CPXM2: variants seen among roughly 807,000 people sequenced by gnomAD.
CPXM2 encodes inactive carboxypeptidase-like protein X2.
CPXM2 carries 66 observed loss-of-function variants against 86.1 expected under a neutral mutation model. The observed-to-expected ratio is 0.77, with a 90% CI of 0.63 to 0.94. The LOEUF is 0.94. Ranked by LOEUF, CPXM2 falls within the 40% of genes least tolerant of loss-of-function variation. The pLI is 0.00. For synonymous variants in CPXM2, 388 were observed against 400.2 expected (o/e 0.97, Z 0.36); for missense variants, 948 against 1,026.3 (o/e 0.92, Z 1.04).
chr10:123,888,814 G>A (rs375360778), intron 1 of CPXM2, among the ~76,000 whole-genome samples: 2 of 152,202 alleles, frequency 1.3e-5, no homozygotes, highest in African/African-American at 4.8e-5. Context: ...TAGAAACACA[G>A]CTGACATGGT....
chr10:123,930,976 A>C (rs1385720358), intron 2 of CPXM2, among the ~76,000 whole-genome samples: 1 of 152,206 alleles, frequency 6.6e-6, no homozygotes, highest in African/African-American at 2.4e-5. Flanking sequence ...GTTTGCCATA[A>C]TATCCTGGTT....
chr10:123,824,267 G>A (rs1847996762), intron 4 of CPXM2, among the ~76,000 whole-genome samples: 1 of 152,170 alleles, frequency 6.6e-6, no homozygotes, highest in Admixed American at 6.5e-5. Flanking sequence ...CACTCTGCTG[G>A]CTGTGCTAAT....
At chr10:123,815,142 A>G (rs924390278) in intron 4 of CPXM2, among the ~76,000 whole-genome samples, 1 of 152,224 alleles carries the variant, frequency 6.6e-6, no homozygotes, top group African/African-American at 2.4e-5. Flanking sequence ...GTGGAGAACC[A>G]AGGGACATAA....
intron 2 of CPXM2, among the ~76,000 whole-genome samples, chr10:123,866,072 C>CT (rs1848973123): frequency 6.6e-6 from 1 of 152,120 alleles, no homozygotes; most frequent in Non-Finnish European, 1.5e-5. Flanking sequence ...CCAGACCTTC[C>CT]TTCCTTGTTT....
chr10:123,790,796 C>T (rs532043275), intron 6 of CPXM2, among the ~76,000 whole-genome samples: 13 of 152,110 alleles, frequency 8.5e-5, no homozygotes, highest in Admixed American at 7.9e-4. Context: ...GCACCCCATA[C>T]GTATTTGATA....
intron 4 of CPXM2, among the ~76,000 whole-genome samples, chr10:123,803,641 T>C (rs979753123): frequency 2.0e-5 from 3 of 151,978 alleles, no homozygotes; most frequent in African/African-American, 7.2e-5. Flanking sequence ...TCAAGATACA[T>C]GGTTTTCTTC....
intron 3 of CPXM2, among the ~76,000 whole-genome samples, chr10:123,858,272 C>T (rs1333026424): frequency 6.6e-6 from 1 of 152,254 alleles, no homozygotes; most frequent in African/African-American, 2.4e-5. Flanking sequence ...TACACAGAAG[C>T]TTTGTTGATT....
chr10:123,797,601 A>ACAGGGTCTCACTCCATTGCC (rs2134066018), intron 6 of CPXM2, among the ~76,000 whole-genome samples: 3 of 45,212 alleles, frequency 6.6e-5, no homozygotes, highest in South Asian at 1.7e-3. Context: ...TTTTTTTGAG[A>ACAGGGTCTCACTCCATTGCC]CAGGGTGGAG....
At chr10:123,756,137 G>A (rs185613237) in intron 12 of CPXM2, among the ~76,000 whole-genome samples, 98 of 152,318 alleles carry the variant, frequency 6.4e-4, no homozygotes, top group African/African-American at 2.2e-3. Flanking sequence ...GGCTGAATGT[G>A]CCTTCTGACT....
Position 123,842,418 on chromosome 10 carries a change from A to T in CPXM2, c.584T>A (p.Ile195Asn). The change falls in exon 4 of 14, where the codon ATT (isoleucine) becomes AAT (asparagine). Residue 195 changes from isoleucine (I) to asparagine (N), a missense_variant. Physicochemically the swap from Ile to Asn is moderately radical, Grantham distance 149 (BLOSUM62 -3). Transcript: ENST00000241305. Reference protein sequence around the residue: ...CAGRNDLQQWIEVDARRLTRF... With the variant: ...CAGRNDLQQWNEVDARRLTRF... ...GGTCAGGCGCCGAGCATCCACTTCA[A>T]TCCACTGCTGGAGGTCATTTCTTCC... 5.0e-6 allele frequency: 8 copies of T among 1,614,196 alleles called. No individual in the cohort carries two copies. Among genetic ancestry groups the T allele is most frequent in the Non-Finnish European group, 6.8e-6 (8 of 1,180,036 alleles).
At chr10:123,904,159 T>G (rs1386103969) in intron 2 of CPXM2, among the ~76,000 whole-genome samples, 5 of 152,258 alleles carry the variant, frequency 3.3e-5, no homozygotes, top group African/African-American at 4.8e-5. Flanking sequence ...CTATATCAGC[T>G]TAAATGTTAC....
At chr10:123,787,165 C>T (rs1044865233) in intron 6 of CPXM2, among the ~76,000 whole-genome samples, 7 of 152,162 alleles carry the variant, frequency 4.6e-5, no homozygotes, top group Non-Finnish European at 8.8e-5. Context: ...GTTCCCCATG[C>T]AGCTGGGCTG....
intron 4 of CPXM2, among the ~76,000 whole-genome samples, chr10:123,821,911 T>A (rs1049609747): frequency 2.0e-5 from 3 of 152,242 alleles, no homozygotes; most frequent in Non-Finnish European, 4.4e-5. Context: ...GAGGAAAGGG[T>A]AAATGTCATT....
chr10:123,871,454 A>T (rs796960358), intron 2 of CPXM2, among the ~76,000 whole-genome samples: 30 of 152,342 alleles, frequency 2.0e-4, no homozygotes, highest in African/African-American at 7.2e-4. Flanking sequence ...AAAAGGAATT[A>T]TTGGTTCAAA....
rs763980028 is a variant in CPXM2, at chr10:123,767,067, A to G, written c.1385T>C (p.Leu462Pro). ...CTGTCGATCCTCTGCCTCCCAGAGC[A>G]GCGTGTTTAAATCAGGAAAGTTGTT... is the stretch of plus-strand genomic sequence containing the variant. ...INNNFPDLNT[L>P]LWEAEDRQNV... The change falls in exon 10 of 14, where the codon CTG becomes CCG. Residue 462 changes from leucine to proline, a missense_variant. Physicochemically the swap from Leu to Pro is moderately conservative, Grantham distance 98. Coordinates refer to ENST00000241305, the MANE Select transcript of CPXM2 (RefSeq NM_198148.3). 1 of 1,614,068 alleles carries G rather than the reference A, an allele frequency of 6.2e-7. No homozygotes were observed. The highest frequency in any genetic ancestry group is 1.7e-5 in the Admixed American group (1 of 59,992).
At chr10:123,828,132 C>T (rs1040771182) in intron 4 of CPXM2, among the ~76,000 whole-genome samples, 3 of 151,642 alleles carry the variant, frequency 2.0e-5, no homozygotes, top group African/African-American at 2.4e-5. Flanking sequence ...GATTGTGCCA[C>T]TGCACTATAG....
chr10:123,844,393 A>T (rs1463872965), intron 3 of CPXM2, among the ~76,000 whole-genome samples: 1 of 152,200 alleles, frequency 6.6e-6, no homozygotes, highest in African/African-American at 2.4e-5. Context: ...TACCAAAAAA[A>T]AACTGAGAAT....
At chr10:123,882,917 C>T (rs1053222094) in intron 1 of CPXM2, among the ~76,000 whole-genome samples, 23 of 151,250 alleles carry the variant, frequency 1.5e-4, no homozygotes, top group Non-Finnish European at 2.7e-4. Flanking sequence ...GCCTGCGCAG[C>T]TTCTAATACC....
chr10:123,799,770 G>A (rs1241439827), intron 4 of CPXM2, among the ~76,000 whole-genome samples: 1 of 152,142 alleles, frequency 6.6e-6, no homozygotes, highest in East Asian at 1.9e-4. Context: ...TCCAGTGATG[G>A]CTGGACCCAA....
Sources: allele counts gnomAD v4.1 joint callset (sites outside exome capture counted in the v4.1 genomes callset), GRCh38; gene constraint gnomAD v4.1.1; transcripts MANE v1.5; gene names NCBI Gene and HGNC (gene_info 2026-07-23, HGNC 2026-07-21).